The following ANKRD11 variants were observed in gnomAD, a reference collection of about 807,000 sequenced individuals.
ANKRD11 encodes ankyrin repeat domain 11.
In ANKRD11, 17 loss-of-function variants were observed where a neutral mutation model predicts 195.7. The ratio of observed to expected loss-of-function variants is 0.09; its 90% CI spans 0.06 to 0.13. The LOEUF (loss-of-function observed/expected upper bound fraction) is 0.13, where lower values mean the gene tolerates loss of function less well. ANKRD11 is among the 10% of genes least tolerant of loss of function. The pLI, the probability that ANKRD11 is intolerant of heterozygous loss-of-function variation, is 1.00. For synonymous variants in ANKRD11, 1,953 were observed against 1,528.1 expected, an observed-to-expected ratio of 1.28 and a Z score of -6.49; for missense variants, 3,735 against 3,566.1, an observed-to-expected ratio of 1.05 and a Z score of -1.21.
intron 1 of ANKRD11, among the ~76,000 whole-genome samples, chr16:89,442,395 C>G (rs2043552787): frequency 6.6e-6 from 1 of 152,098 alleles, no homozygotes; most frequent in South Asian, 2.1e-4. Flanking sequence ...CTCAGAAAAC[C>G]ACCTGTTTTG....
chr16:89,402,777 T>C (rs1267650348), intron 2 of ANKRD11, among the ~76,000 whole-genome samples: 1 of 125,884 alleles, frequency 7.9e-6, no homozygotes, highest in African/African-American at 3.0e-5. Flanking sequence ...AGGGGACAGC[T>C]CTGTGGGATG....
chr16:89,332,327 C>G (rs1567660820), intron 2 of ANKRD11, among the ~76,000 whole-genome samples: 1 of 152,190 alleles, frequency 6.6e-6, no homozygotes, highest in Non-Finnish European at 1.5e-5. Context: ...TCCGTGAAGT[C>G]CTGGGATGGC....
intron 1 of ANKRD11, among the ~76,000 whole-genome samples, chr16:89,419,516 C>G (rs1329321150): frequency 6.6e-6 from 1 of 151,498 alleles, no homozygotes; most frequent in East Asian, 1.9e-4. Flanking sequence ...CTGGGGACTC[C>G]AAGAATAAAA....
chr16:89,366,003 C>T (rs927361427), intron 2 of ANKRD11, among the ~76,000 whole-genome samples: 2 of 151,960 alleles, frequency 1.3e-5, no homozygotes, highest in Non-Finnish European at 2.9e-5. Context: ...GGATAAGGGC[C>T]TCCAGGCTCT....
rs539147280 is a variant in ANKRD11, at chr16:89,323,821, C to T, written c.-59-6743G>A. On this transcript the variant is annotated intron_variant, in intron 2 of 12. Transcript: ENST00000301030. ...TCAGGGCCACACCAACTGTGGGGTT[C>T]CAGCTATCACTCTGTGCAAAGGACT... The T allele has an allele frequency of 5.9e-5, 14 of 237,386 alleles. No homozygotes were observed. The East Asian group carries it at 1.7e-3, about 29-fold the overall frequency. The allele number at this position is 237,386 out of a possible 1,614,324, so 14.7% of individuals were successfully genotyped here.
intron 1 of ANKRD11, among the ~76,000 whole-genome samples, chr16:89,454,080 T>C (rs1421664656): frequency 6.6e-6 from 1 of 152,110 alleles, no homozygotes; most frequent in African/African-American, 2.4e-5. Flanking sequence ...GCAAATGACA[T>C]ACACTCTAAA....
At chr16:89,443,116 C>A (rs1047484348) in intron 1 of ANKRD11, among the ~76,000 whole-genome samples, 1 of 152,162 alleles carries the variant, frequency 6.6e-6, no homozygotes, top group African/African-American at 2.4e-5. Context: ...CCTCAGCCCC[C>A]GTGTAGCTCG....
chr16:89,347,762 C>T (rs554857013), intron 2 of ANKRD11, among the ~76,000 whole-genome samples: 2 of 152,052 alleles, frequency 1.3e-5, no homozygotes, highest in African/African-American at 2.4e-5. Flanking sequence ...AAAGAGATGA[C>T]CACAAACATC....
At chr16:89,395,115 T>C (rs2041368022) in intron 2 of ANKRD11, among the ~76,000 whole-genome samples, 2 of 152,136 alleles carry the variant, frequency 1.3e-5, no homozygotes, top group Non-Finnish European at 2.9e-5. Flanking sequence ...CAGGACAAGA[T>C]GAAAGAGGGC....
chr16:89,426,111 T>A (rs1300352687), intron 1 of ANKRD11, among the ~76,000 whole-genome samples: 1 of 152,094 alleles, frequency 6.6e-6, no homozygotes, highest in Non-Finnish European at 1.5e-5. Flanking sequence ...AGAGGAGGCA[T>A]CCGACTCCTG....
At chr16:89,488,449 C>T (rs866448995) in intron 1 of ANKRD11, among the ~76,000 whole-genome samples, 3 of 151,616 alleles carry the variant, frequency 2.0e-5, no homozygotes, top group African/African-American at 4.9e-5. Context: ...CGCCCCCCCC[C>T]CTTTTTTTCT....
rs1555555840 is a variant in ANKRD11 at position 89,371,512 on chromosome 16, G to A, written c.-60+46772C>T. On this transcript the variant is annotated intron_variant, in intron 2 of 12. Coordinates refer to ENST00000301030, the MANE Select transcript of ANKRD11 (RefSeq NM_013275.6). ...CCAGGCTATGTGGTCTGTAGTCTGT[G>A]CACCACCCACAGATGAGTTCTCTCA... Among the ~76,000 whole-genome samples the A allele has an allele frequency of 6.6e-5, 10 of 152,180 alleles. No homozygotes were observed. In the South Asian group the frequency reaches 1.9e-3, roughly 28 times the overall value.
chr16:89,469,666 A>G (rs932074531), intron 1 of ANKRD11, among the ~76,000 whole-genome samples: 2 of 149,350 alleles, frequency 1.3e-5, no homozygotes, highest in East Asian at 4.5e-4. Flanking sequence ...TGGGAGGCTG[A>G]GGCGGGCGGA....
At chr16:89,465,069 A>C (rs2056837274) in intron 1 of ANKRD11, among the ~76,000 whole-genome samples, 1 of 152,252 alleles carries the variant, frequency 6.6e-6, no homozygotes, top group Non-Finnish European at 1.5e-5. Flanking sequence ...TTCTAATTTC[A>C]GTGTTAGTAA....
intron 1 of ANKRD11, among the ~76,000 whole-genome samples, chr16:89,440,349 T>C (rs1022324062): frequency 6.6e-6 from 1 of 152,204 alleles, no homozygotes; most frequent in Admixed American, 6.5e-5. Context: ...GGCTCAGGCC[T>C]GTAATCCCAG....
At chr16:89,274,406 T>G (rs1347698251) in intron 11 of ANKRD11, among the ~76,000 whole-genome samples, 1 of 151,662 alleles carries the variant, frequency 6.6e-6, no homozygotes, top group East Asian at 2.0e-4. Context: ...CTGGGGCCTG[T>G]GCTGTGAAAG....
At chr16:89,475,867 T>C (rs758076700) in intron 1 of ANKRD11, among the ~76,000 whole-genome samples, 27 of 151,882 alleles carry the variant, frequency 1.8e-4, no homozygotes, top group Non-Finnish European at 2.9e-5. Flanking sequence ...CTGGCCAACA[T>C]GGTGAAACCC....
At chr16:89,355,923 G>A (rs892042017) in intron 2 of ANKRD11, among the ~76,000 whole-genome samples, 3 of 152,158 alleles carry the variant, frequency 2.0e-5, no homozygotes, top group Admixed American at 6.5e-5. Flanking sequence ...GGAGACCAGG[G>A]CTCAGGAACG....
intron 7 of ANKRD11, chr16:89,287,922 T>C: frequency 2.5e-6 from 1 of 406,510 alleles, no homozygotes; most frequent in Non-Finnish European, 4.4e-6. Flanking sequence ...AACCAGGGGC[T>C]CTCCACGGAG....
Sources: gnomAD v4.1 joint callset for allele counts (sites outside exome capture counted in the v4.1 genomes callset) on GRCh38, gnomAD v4.1.1 for gene constraint, MANE v1.5 for transcripts, NCBI Gene and HGNC (gene_info 2026-07-23, HGNC 2026-07-21) for gene names.